Variants in GRID1 observed in about 807,000 individuals in gnomAD.
GRID1 encodes glutamate ionotropic receptor delta type subunit 1.
Under a neutral mutation model 98.0 loss-of-function variants are expected in GRID1, and 28 were observed. The ratio of observed to expected loss-of-function variants is 0.29; its 90% CI spans 0.21 to 0.39. The LOEUF (loss-of-function observed/expected upper bound fraction) is 0.39. Ranked by LOEUF, GRID1 falls within the 10% of genes least tolerant of loss-of-function variation. GRID1 has a pLI of 1.00. For missense variants in GRID1, 1,111 were observed against 1,340.5 expected, an observed-to-expected ratio of 0.83 and a Z score of 2.67; for synonymous variants, 553 against 538.5, an observed-to-expected ratio of 1.03 and a Z score of -0.37.
At chr10:85,911,262 A>G (rs2131821511) in intron 5 of GRID1, among the ~76,000 whole-genome samples, 1 of 152,300 alleles carries the variant, frequency 6.6e-6, no homozygotes, top group Non-Finnish European at 1.5e-5. Context: ...AGGAGCACCA[A>G]GAGAGAACCA....
intron 2 of GRID1, among the ~76,000 whole-genome samples, chr10:86,232,224 C>T (rs550547367): frequency 2.4e-4 from 37 of 152,238 alleles, no homozygotes; most frequent in Admixed American, 2.0e-3. Context: ...ATAACGCAGC[C>T]GTTGTATTAG....
intron 4 of GRID1, among the ~76,000 whole-genome samples, chr10:86,080,825 A>G (rs925267480): frequency 2.0e-5 from 3 of 152,184 alleles, no homozygotes; most frequent in Admixed American, 2.0e-4. Flanking sequence ...CAGAATTTGG[A>G]CCGCCAGATT....
chr10:85,808,982 A>T (rs1842645902), intron 8 of GRID1, among the ~76,000 whole-genome samples: 2 of 152,262 alleles, frequency 1.3e-5, no homozygotes, highest in South Asian at 4.1e-4. Flanking sequence ...ATGTCAAAGA[A>T]AACAGAGGAA....
chr10:86,211,765 A>G (rs1846111251), intron 2 of GRID1, among the ~76,000 whole-genome samples: 1 of 152,168 alleles, frequency 6.6e-6, no homozygotes. Flanking sequence ...CCACACAGCC[A>G]GAGAGCAAAC....
At chr10:86,084,052 C>A (rs541379109) in intron 4 of GRID1, among the ~76,000 whole-genome samples, 1 of 152,216 alleles carries the variant, frequency 6.6e-6, no homozygotes, top group African/African-American at 2.4e-5. Context: ...GTCCTGTGTG[C>A]CTCCTGTGAT....
chr10:85,614,424 G>A (rs1431807764), intron 14 of GRID1, among the ~76,000 whole-genome samples: 3 of 152,176 alleles, frequency 2.0e-5, no homozygotes. Context: ...TCCATGCTTG[G>A]CAAATAGTGT....
At position 86,274,306 on chromosome 10, in the gene GRID1, G is replaced by A. The variant is rs576362281; in HGVS notation, c.236-67658C>T. Among the ~76,000 whole-genome samples the A allele has an allele frequency of 4.3e-3, 656 of 152,294 alleles. 6 individuals are homozygous for A. The highest frequency in any genetic ancestry group is 0.015 in the African/African-American group (624 of 41,558). Reference sequence around the variant, plus strand: ...GGTACCAGTACCATGCTGTTTTGGTGACTGTAGCCTTGTAGTATAGTTTGA... The same window carrying A: ...GGTACCAGTACCATGCTGTTTTGGTAACTGTAGCCTTGTAGTATAGTTTGA... On this transcript the variant is annotated intron_variant, in intron 2 of 15. Transcript: ENST00000327946.
chr10:85,983,764 C>T (rs1232327585), intron 4 of GRID1, among the ~76,000 whole-genome samples: 4 of 152,136 alleles, frequency 2.6e-5, no homozygotes, highest in Non-Finnish European at 5.9e-5. Flanking sequence ...CCCAGATGCT[C>T]CTCAAGGCTG....
intron 4 of GRID1, among the ~76,000 whole-genome samples, chr10:86,029,294 A>T (rs1024719118): frequency 2.0e-5 from 3 of 152,218 alleles, no homozygotes; most frequent in Admixed American, 6.5e-5. Flanking sequence ...GAAGACTCAC[A>T]TCCAAGCTCT....
chr10:86,185,937 A>C (rs181022519), intron 3 of GRID1, among the ~76,000 whole-genome samples: 1 of 152,352 alleles, frequency 6.6e-6, no homozygotes, highest in Non-Finnish European at 1.5e-5. Flanking sequence ...CTGATCTAAT[A>C]GTATAAGTTT....
intron 8 of GRID1, among the ~76,000 whole-genome samples, chr10:85,816,202 C>T (rs1330480460): frequency 2.0e-5 from 3 of 152,092 alleles, no homozygotes; most frequent in African/African-American, 7.2e-5. Context: ...TTAAAACTTA[C>T]TTTTACATAA....
At chr10:86,070,410 G>A (rs1198099768) in intron 4 of GRID1, among the ~76,000 whole-genome samples, 1 of 152,140 alleles carries the variant, frequency 6.6e-6, no homozygotes, top group East Asian at 1.9e-4. Flanking sequence ...TCCATAGGGA[G>A]GCTATTTCTT....
chr10:86,090,632 A>C (rs1409912796), intron 4 of GRID1, among the ~76,000 whole-genome samples: 4 of 152,190 alleles, frequency 2.6e-5, no homozygotes, highest in Admixed American at 1.3e-4. Context: ...CTACAGGGAA[A>C]CATGACAGAC....
chr10:85,721,637 G>GTGATGGAGT (rs1460638979), intron 12 of GRID1, among the ~76,000 whole-genome samples: 1 of 152,166 alleles, frequency 6.6e-6, no homozygotes, highest in Non-Finnish European at 1.5e-5. Context: ...ATACTGAAAT[G>GTGATGGAGT]ACAAAATTTT....
chr10:86,291,826 C>T (rs1430929536), intron 2 of GRID1, among the ~76,000 whole-genome samples: 1 of 152,188 alleles, frequency 6.6e-6, no homozygotes, highest in Non-Finnish European at 1.5e-5. Context: ...CACAGCACAG[C>T]AAGGTCTGGG....
intron 5 of GRID1, among the ~76,000 whole-genome samples, chr10:85,907,686 T>C (rs1399225479): frequency 6.6e-6 from 1 of 152,042 alleles, no homozygotes; most frequent in East Asian, 1.9e-4. Context: ...GCCAGCATTA[T>C]GCCAATGCCA....
intron 4 of GRID1, among the ~76,000 whole-genome samples, chr10:86,006,486 C>T (rs1419251759): frequency 2.6e-5 from 4 of 152,228 alleles, no homozygotes; most frequent in East Asian, 3.9e-4. Context: ...AGCGTGGTGG[C>T]GGGCACCTCT....
chr10:85,841,298 T>A (rs1258097040), intron 8 of GRID1, among the ~76,000 whole-genome samples: 3 of 152,134 alleles, frequency 2.0e-5, no homozygotes, highest in Non-Finnish European at 4.4e-5. Flanking sequence ...AGATTGAAAC[T>A]GGACTCCTTC....
intron 3 of GRID1, among the ~76,000 whole-genome samples, chr10:86,164,447 G>C (rs983020729): frequency 6.6e-6 from 1 of 152,200 alleles, no homozygotes. Flanking sequence ...TTCATGCACA[G>C]GATAAATATC....
Sources: gnomAD v4.1 joint callset for allele counts (sites outside exome capture counted in the v4.1 genomes callset) on GRCh38, gnomAD v4.1.1 for gene constraint, MANE v1.5 for transcripts, NCBI Gene and HGNC (gene_info 2026-07-23, HGNC 2026-07-21) for gene names.